The following UQCR11 variants were observed in gnomAD, a reference collection of about 807,000 sequenced individuals.
UQCR11 encodes ubiquinol-cytochrome c reductase, complex III subunit XI, also known as cytochrome b-c1 complex subunit 10.
Under a neutral mutation model 7.6 loss-of-function variants are expected in UQCR11, and 10 were observed. The observed-to-expected ratio is 1.31, with a 90% confidence interval of 0.81 to 2.22. The LOEUF is 2.22. Ranked by LOEUF, UQCR11 falls within the 30% of genes most tolerant of loss-of-function variation. UQCR11 has a pLI of 0.00. For synonymous variants in UQCR11, 34 were observed against 34.9 expected (o/e 0.97, Z 0.09); for missense variants, 86 against 75.1 (o/e 1.15, Z -0.54).
intron 1 of UQCR11, among the ~76,000 whole-genome samples, chr19:1,604,134 G>A (rs191147996): frequency 3.4e-4 from 51 of 152,224 alleles, no homozygotes; most frequent in African/African-American, 1.1e-3. Flanking sequence ...CAGTAGAGAC[G>A]GGGTTTCTCC....
Position 1,605,342 on chromosome 19 carries a change from G to A in UQCR11, c.50+18C>T, listed in dbSNP as rs1481248978. 2 of 1,564,282 alleles carry A rather than the reference G, an allele frequency of 1.3e-6. No homozygotes were observed. The highest frequency in any genetic ancestry group is 2.5e-5 in the East Asian group (1 of 39,882). ...CCGAGGCGGGAGCGCGGATGGGGCC[G>A]CGGGTCGGCGTCCTCACCAGTTCTT... On this transcript the variant is annotated intron_variant, in intron 1 of 2. Coordinates refer to ENST00000591899, the MANE Select transcript of UQCR11 (RefSeq NM_006830.4).
chr19:1,605,264 G>A, intron 1 of UQCR11, 96 bp downstream of exon 1: 5 of 1,391,862 alleles, frequency 3.6e-6, no homozygotes, highest in Non-Finnish European at 4.7e-6. Flanking sequence ...GCCCGGCCCG[G>A]CCCGGCCCCC....
intron 2 of UQCR11, 32 bp downstream of exon 2, chr19:1,599,380 C>T: frequency 1.2e-6 from 2 of 1,603,228 alleles, no homozygotes; most frequent in Admixed American, 1.7e-5. Context: ...GGCCATCATG[C>T]AGTCCACCCA....
rs201264821 is a variant in UQCR11 at position 1,601,649 on chromosome 19, G to GT, written c.51-2090dup. On this transcript the variant is annotated intron_variant, in intron 1 of 2. Transcript: ENST00000591899. ...ATAAATGAATCCAGCCAACAACCCC[G>GT]TGAGTGATCGTGGAAACGGATCTGC... Among the ~76,000 whole-genome samples, 244 of 150,372 alleles carry GT rather than the reference G, an allele frequency of 1.6e-3. 3 individuals carry two copies. The East Asian group carries it at 0.039, about 24-fold the overall frequency.
intron 1 of UQCR11, among the ~76,000 whole-genome samples, chr19:1,603,158 A>G (rs1338923918): frequency 6.6e-6 from 1 of 152,104 alleles, no homozygotes; most frequent in African/African-American, 2.4e-5. Context: ...CCTCGCACGC[A>G]CGTGTCTGCA....
rs1421421644 is a variant in UQCR11 at position 1,605,416 on chromosome 19, G to A, written c.-7C>T. 4 of 1,568,002 alleles carry A rather than the reference G, an allele frequency of 2.6e-6. No homozygotes were observed. Among genetic ancestry groups the A allele is most frequent in the African/African-American group, 2.8e-5 (2 of 70,794 alleles). On this transcript the variant is annotated 5_prime_UTR_variant, in exon 1 of 3. Coordinates refer to ENST00000591899, the MANE Select transcript of UQCR11 (RefSeq NM_006830.4). ...CCAGGAACCGGGTCACCATCGCGGC[G>A]GAGTCGCACCCTCAGGATGACCCTG...
chr19:1,601,360 T>C (rs1449589308), intron 1 of UQCR11, among the ~76,000 whole-genome samples: 3 of 151,890 alleles, frequency 2.0e-5, no homozygotes, highest in Non-Finnish European at 4.4e-5. Context: ...CCCAGCACTT[T>C]GGGAGGGTGA....
Position 1,605,406 on chromosome 19 carries a change from C to T in UQCR11, c.4G>A (p.Val2Met), listed in dbSNP as rs919070946. The change falls in exon 1 of 3, where the codon GTG (valine) becomes ATG (methionine). Residue 2 changes from valine (V) to methionine (M), a missense_variant. Coordinates refer to ENST00000591899, the MANE Select transcript of UQCR11 (RefSeq NM_006830.4). ...TAGCGTGGGCCCAGGAACCGGGTCA[C>T]CATCGCGGCGGAGTCGCACCCTCAG... The part of the protein sequence containing the change: M[V>M]TRFLGPRYRE... 5.7e-6 allele frequency: 9 copies of T among 1,574,426 alleles called. No individual in the cohort carries two copies. Among genetic ancestry groups the T allele is most frequent in the South Asian group, 1.2e-5 (1 of 86,592 alleles).
chr19:1,603,893 G>A (rs75580424), intron 1 of UQCR11, among the ~76,000 whole-genome samples: 3 of 152,210 alleles, frequency 2.0e-5, no homozygotes, highest in African/African-American at 7.2e-5. Flanking sequence ...CCCCCAGTCT[G>A]GGATAGAGGA....
At chr19:1,600,440 C>G (rs2060744097) in intron 1 of UQCR11, among the ~76,000 whole-genome samples, 1 of 152,086 alleles carries the variant, frequency 6.6e-6, no homozygotes, top group South Asian at 2.1e-4. Flanking sequence ...GTCTCAATCT[C>G]CTGACCTCGT....
At position 1,605,454 on chromosome 19, in the gene UQCR11, G is replaced by C; in HGVS notation, c.-45C>G. 7.8e-7 allele frequency: 1 copy of C among 1,285,250 alleles called. No homozygotes were observed. Among genetic ancestry groups the C allele is most frequent in the South Asian group, 1.3e-5 (1 of 74,474 alleles). The allele number at this position is 1,285,250 out of a possible 1,614,324, so 79.6% of individuals were successfully genotyped here. ...CAGGATGACCCTGTCCAGCTGACCC[G>C]GCTACACTGCGCAGGCGCGGCCGCG... On this transcript the variant is annotated 5_prime_UTR_variant, in exon 1 of 3. Coordinates refer to ENST00000591899, the MANE Select transcript of UQCR11 (RefSeq NM_006830.4).
At chr19:1,601,879 G>A (rs1303190556) in intron 1 of UQCR11, among the ~76,000 whole-genome samples, 3 of 152,044 alleles carry the variant, frequency 2.0e-5, no homozygotes, top group Non-Finnish European at 4.4e-5. Flanking sequence ...ATCCAATTCC[G>A]GGCGGGGTGC....
intron 1 of UQCR11, among the ~76,000 whole-genome samples, chr19:1,603,793 T>C (rs2060753891): frequency 6.6e-6 from 1 of 152,058 alleles, no homozygotes; most frequent in African/African-American, 2.4e-5. Context: ...CAGGCCTGAG[T>C]TACCCACGCT....
intron 1 of UQCR11, among the ~76,000 whole-genome samples, chr19:1,600,645 G>T (rs549575400): frequency 1.3e-5 from 2 of 152,346 alleles, no homozygotes; most frequent in Admixed American, 1.3e-4. Context: ...GTTGAGGCAG[G>T]AGGCTCACTT....
chr19:1,601,668 G>A (rs574944051), intron 1 of UQCR11, among the ~76,000 whole-genome samples: 1 of 152,122 alleles, frequency 6.6e-6, no homozygotes, highest in Non-Finnish European at 1.5e-5. Context: ...CGTGGAAACG[G>A]ATCTGCCTGG....
chr19:1,602,912 G>A (rs1012890738), intron 1 of UQCR11, among the ~76,000 whole-genome samples: 3 of 152,202 alleles, frequency 2.0e-5, no homozygotes, highest in African/African-American at 4.8e-5. Context: ...GAGGAAGGAC[G>A]TACAGACCAT....
At chr19:1,603,453 A>T (rs1233558344) in intron 1 of UQCR11, among the ~76,000 whole-genome samples, 7 of 152,020 alleles carry the variant, frequency 4.6e-5, no homozygotes, top group East Asian at 1.9e-4. Flanking sequence ...AATACAAAAA[A>T]AATTAGCCGG....
intron 2 of UQCR11, among the ~76,000 whole-genome samples, chr19:1,598,761 G>C (rs1011205371): frequency 5.9e-5 from 9 of 152,238 alleles, no homozygotes; most frequent in African/African-American, 2.2e-4. Context: ...AAGTGGCCCA[G>C]GACAGCAGCC....
chr19:1,600,205 GCTT>G (rs1269357421), intron 1 of UQCR11, among the ~76,000 whole-genome samples: 55 of 150,150 alleles, frequency 3.7e-4, no homozygotes, highest in South Asian at 6.3e-4. Context: ...TTGGGCACAG[GCTT>G]CTTTTTTTTT....
Sources: gnomAD v4.1 joint callset for allele counts (sites outside exome capture counted in the v4.1 genomes callset) on GRCh38, gnomAD v4.1.1 for gene constraint, MANE v1.5 for transcripts, NCBI Gene and HGNC (gene_info 2026-07-23, HGNC 2026-07-21) for gene names.